Variants in RGPD4 observed in about 807,000 individuals in gnomAD.
RGPD4 encodes RANBP2 like and GRIP domain containing 4, also known as ranBP2-like and GRIP domain-containing protein 4.
Under a neutral mutation model 141.1 loss-of-function variants are expected in RGPD4, and 84 were observed. That is an observed-to-expected ratio of 0.60 (90% CI 0.50 to 0.71). RGPD4 has a LOEUF of 0.71. Ranked by LOEUF, RGPD4 falls within the 30% of genes least tolerant of loss-of-function variation. The probability of loss-of-function intolerance (pLI) is 0.00; values close to 1 mark genes in which losing one functional copy is unlikely to be tolerated. For synonymous variants in RGPD4, 298 were observed against 566.8 expected (o/e 0.53, Z 6.74); for missense variants, 918 against 1,622.4 (o/e 0.57, Z 7.46).
intron 20 of RGPD4, among the ~76,000 whole-genome samples, chr2:107,873,574 CAA>C (rs3053241): frequency 9.1e-4 from 114 of 125,388 alleles, no homozygotes; most frequent in East Asian, 8.5e-3. Context: ...ACTTTGTCTC[CAA>C]AAAAAAAAAA....
intron 17 of RGPD4, among the ~76,000 whole-genome samples, chr2:107,863,513 G>A (rs1307330992): frequency 7.4e-5 from 11 of 148,288 alleles, no homozygotes; most frequent in Admixed American, 6.8e-4. Flanking sequence ...TTATTTTTGA[G>A]ACAGAGGCTC....
chr2:107,853,421 C>T (rs1313239180), intron 7 of RGPD4, among the ~76,000 whole-genome samples: 2 of 142,114 alleles, frequency 1.4e-5, no homozygotes, highest in African/African-American at 2.6e-5. Flanking sequence ...CTTCCCTTCG[C>T]CATTCTATTC....
Position 107,890,851 on chromosome 2 carries a change from T to A in RGPD4, c.*120T>A. ...AATCTATTTACAAAAATGGTTCATG[T>A]GTATTACCATCATTCTTTTGTCAAA... On this transcript the variant is annotated 3_prime_UTR_variant, in exon 23 of 23. Transcript: ENST00000408999. The A allele has an allele frequency of 8.1e-7, 1 of 1,232,030 alleles. No homozygotes were observed. Among genetic ancestry groups the A allele is most frequent in the Non-Finnish European group, 1.2e-6 (1 of 861,558 alleles). 76.3% of individuals were successfully genotyped at this position (1,232,030 alleles called of 1,614,324 possible).
chr2:107,845,740 AT>A (rs1681906996), intron 6 of RGPD4, among the ~76,000 whole-genome samples: 1 of 151,402 alleles, frequency 6.6e-6, no homozygotes, highest in Admixed American at 6.6e-5. Context: ...ATTTTTTTGT[AT>A]TTTTAGTAGA....
Position 107,859,823 on chromosome 2 carries a change from G to C in RGPD4, c.1736G>C (p.Trp579Ser). 6.2e-7 allele frequency: 1 copy of C among 1,601,274 alleles called. No homozygotes were observed. Among genetic ancestry groups the C allele is most frequent in the South Asian group, 1.1e-5 (1 of 88,418 alleles). Residue 579 changes from tryptophan (W) to serine (S), a missense_variant, in exon 12 of 23, where the codon TGG becomes TCG. By Grantham distance (177) the Trp-to-Ser change is radical. Coordinates refer to ENST00000408999, the MANE Select transcript of RGPD4 (RefSeq NM_182588.3). The part of the protein sequence containing the change: ...HGLQPALLVH[W>S]AKCLQKMGSG... ...CTTCAACCTGCTCTGCTTGTACATT[G>C]GGCAAAATGCCTTCAGAAAATGGTG... is the stretch of plus-strand genomic sequence containing the variant.
intron 22 of RGPD4, among the ~76,000 whole-genome samples, chr2:107,885,161 T>G (rs1388614396): frequency 1.3e-5 from 2 of 152,030 alleles, no homozygotes; most frequent in African/African-American, 4.8e-5. Context: ...TCACTGTCTT[T>G]AATTTATTCT....
At chr2:107,880,154 T>C in intron 21 of RGPD4, 47 bp downstream of exon 21, 2 of 1,611,342 alleles carry the variant, frequency 1.2e-6, no homozygotes, top group South Asian at 1.1e-5. Flanking sequence ...AATTTGGTTT[T>C]CTGGACCCTC....
At chr2:107,829,940 A>G (rs1335292080) in intron 1 of RGPD4, among the ~76,000 whole-genome samples, 3 of 151,872 alleles carry the variant, frequency 2.0e-5, no homozygotes, top group Non-Finnish European at 4.4e-5. Flanking sequence ...GGAGGAACCC[A>G]GTGGGGACTG....
Position 107,891,012 on chromosome 2 carries a change from T to G in RGPD4, c.*281T>G, listed in dbSNP as rs1353176466. ...CCACAGCCCTCTAACTCATGTGATC[T>G]CCCATGCATGCTGCCAGAATAAAAC... On this transcript the variant is annotated 3_prime_UTR_variant, in exon 23 of 23. Transcript: ENST00000408999. Among the ~76,000 whole-genome samples, 74 of 149,996 alleles carry G rather than the reference T, an allele frequency of 4.9e-4. No individual in the cohort carries two copies. Among genetic ancestry groups the G allele is most frequent in the Admixed American group, 1.0e-3 (15 of 15,020 alleles).
chr2:107,830,222 G>C (rs969811947), intron 1 of RGPD4, among the ~76,000 whole-genome samples: 25 of 151,050 alleles, frequency 1.7e-4, no homozygotes, highest in Admixed American at 4.0e-4. Flanking sequence ...AGTATGGCTT[G>C]CAATTTTTAA....
rs1336465695 is a variant in RGPD4 at position 107,870,815 on chromosome 2, T to G, written c.2811T>G (p.Ser937Arg). The change falls in exon 20 of 23, where the codon AGT (serine) becomes AGG (arginine). Residue 937 changes from serine (S) to arginine (R), a missense_variant. Ser to Arg is a moderately radical substitution (Grantham distance 110). Coordinates refer to ENST00000408999, the MANE Select transcript of RGPD4 (RefSeq NM_182588.3). ...ISEPGNQEKE[S>R]EKPLENDTGF... Reference sequence around the variant, plus strand: ...AACCAGGAAATCAAGAAAAGGAAAGTGAAAAGCCTCTTGAAAATGATACTG... The same window carrying G: ...AACCAGGAAATCAAGAAAAGGAAAGGGAAAAGCCTCTTGAAAATGATACTG... 17 of 1,606,290 alleles carry G rather than the reference T, an allele frequency of 1.1e-5. No individual in the cohort carries two copies. The Admixed American group carries it at 1.2e-4, about 11-fold the overall frequency.
intron 9 of RGPD4, among the ~76,000 whole-genome samples, chr2:107,857,757 C>T (rs1486878795): frequency 5.9e-5 from 9 of 151,584 alleles, no homozygotes; most frequent in African/African-American, 1.5e-4. Context: ...TTTGGGAGGC[C>T]GAGGCGGGCA....
chr2:107,841,213 A>C (rs1422890975), intron 4 of RGPD4, among the ~76,000 whole-genome samples: 1 of 129,720 alleles, frequency 7.7e-6, no homozygotes, highest in Non-Finnish European at 1.7e-5. Flanking sequence ...AGTGTTAAAG[A>C]ACATATGTAA....
chr2:107,829,853 G>T (rs887164747), intron 1 of RGPD4, among the ~76,000 whole-genome samples: 1 of 152,064 alleles, frequency 6.6e-6, no homozygotes, highest in African/African-American at 2.4e-5. Context: ...GCACCCGGGT[G>T]CTGTATCGGC....
At chr2:107,885,083 AT>A (rs1338332081) in intron 22 of RGPD4, among the ~76,000 whole-genome samples, 1 of 152,138 alleles carries the variant, frequency 6.6e-6, no homozygotes, top group Non-Finnish European at 1.5e-5. Flanking sequence ...CCACAATAGT[AT>A]TTTTGTCACA....
chr2:107,846,218 G>A (rs549380236), intron 6 of RGPD4, among the ~76,000 whole-genome samples: 6,311 of 148,392 alleles, frequency 0.043, 474 homozygotes, highest in African/African-American at 0.15. Context: ...GAGCCACCGC[G>A]CCCGGCTGGT....
At position 107,827,010 on chromosome 2, in the gene RGPD4, C is replaced by T; in HGVS notation, c.-4C>T. On this transcript the variant is annotated 5_prime_UTR_variant, in exon 1 of 23. Transcript: ENST00000408999. ...CGCGTCTCGGGAGCCAGGTTGGTGG[C>T]GCGATGAGTTGCAGCAAGGCCTACG... 4 of 1,597,422 alleles carry T rather than the reference C, an allele frequency of 2.5e-6. No homozygotes were observed. The highest frequency in any genetic ancestry group is 2.3e-5 in the South Asian group (2 of 87,898).
intron 20 of RGPD4, among the ~76,000 whole-genome samples, chr2:107,875,866 TA>T (rs1683075614): frequency 7.0e-6 from 1 of 142,896 alleles, no homozygotes; most frequent in Non-Finnish European, 1.5e-5. Context: ...AATACTTGCT[TA>T]TGTTTTAAGA....
chr2:107,828,813 G>T (rs1573455022), intron 1 of RGPD4, among the ~76,000 whole-genome samples: 1 of 20,662 alleles, frequency 4.8e-5, no homozygotes, highest in Non-Finnish European at 1.1e-4. Context: ...CTGTTGAGGC[G>T]GCGGCCTCGA....
Sources: allele counts gnomAD v4.1 joint callset (sites outside exome capture counted in the v4.1 genomes callset), GRCh38; gene constraint gnomAD v4.1.1; transcripts MANE v1.5; gene names NCBI Gene and HGNC (gene_info 2026-07-23, HGNC 2026-07-21).